The following SCAF4 variants were observed in gnomAD, a reference collection of about 807,000 sequenced individuals.
SCAF4 encodes the protein SR-related CTD associated factor 4.
SCAF4 carries 25 observed loss-of-function variants against 129.8 expected under a neutral mutation model. The ratio of observed to expected loss-of-function variants is 0.19; its 90% confidence interval spans 0.14 to 0.27. SCAF4 has a LOEUF of 0.27. Ranked by LOEUF, SCAF4 falls within the 10% of genes least tolerant of loss-of-function variation. SCAF4 has a pLI of 1.00. For missense variants in SCAF4, 1,246 were observed against 1,457.1 expected, an observed-to-expected ratio of 0.86 and a Z score of 2.36; for synonymous variants, 551 against 497.7, an observed-to-expected ratio of 1.11 and a Z score of -1.43.
chr21:31,714,273 A>C (rs1169429973), intron 1 of SCAF4, among the ~76,000 whole-genome samples: 1 of 152,152 alleles, frequency 6.6e-6, no homozygotes, highest in Non-Finnish European at 1.5e-5. Flanking sequence ...GCCTGTATTC[A>C]CAATTAATGT....
At chr21:31,712,589 C>T (rs574408083) in intron 1 of SCAF4, among the ~76,000 whole-genome samples, 9 of 124,182 alleles carry the variant, frequency 7.2e-5, no homozygotes, top group South Asian at 2.5e-4. Flanking sequence ...AGTGCAATGG[C>T]GCGATCTCGG....
At chr21:31,695,062 C>T in intron 9 of SCAF4, 82 bp from the exon 10 acceptor site, 2 of 1,117,580 alleles carry the variant, frequency 1.8e-6, no homozygotes, top group Non-Finnish European at 2.6e-6. Flanking sequence ...CTAAAATATC[C>T]TCAATAAAGT....
chr21:31,704,718 TAATA>T (rs374504873), intron 3 of SCAF4, among the ~76,000 whole-genome samples: 1 of 152,326 alleles, frequency 6.6e-6, no homozygotes, highest in East Asian at 1.9e-4. Context: ...CCAAATGTAT[TAATA>T]AATATTGCAG....
intron 19 of SCAF4, among the ~76,000 whole-genome samples, chr21:31,682,615 T>C (rs1275103465): frequency 3.9e-5 from 6 of 152,186 alleles, no homozygotes; most frequent in Non-Finnish European, 7.3e-5. Context: ...CGTGACACCA[T>C]TGTGTTTGTC....
chr21:31,671,638 G>C lies in SCAF4; in HGVS notation c.3205C>G (p.Arg1069Gly), dbSNP rs768052599. 1.9e-6 allele frequency: 3 copies of C among 1,613,810 alleles called. No individual in the cohort carries two copies. Among genetic ancestry groups the C allele is most frequent in the African/African-American group, 2.7e-5 (2 of 74,838 alleles). Residue 1069 changes from arginine (R) to glycine (G), a missense_variant, in exon 20 of 20, where the codon CGT (arginine) becomes GGT (glycine). Physicochemically the swap from Arg to Gly is moderately radical, Grantham distance 125. Coordinates refer to ENST00000286835, the MANE Select transcript of SCAF4 (RefSeq NM_020706.2). The part of the protein sequence containing the change: ...RERDSRDRES[R>G]REKEEARGKE... Reference sequence around the variant, plus strand: ...CCTCGGGCTTCTTCCTTCTCTCTACGAGACTCTCTATCTCTAGAATCTCTC... The same window carrying C: ...CCTCGGGCTTCTTCCTTCTCTCTACCAGACTCTCTATCTCTAGAATCTCTC...
intron 1 of SCAF4, among the ~76,000 whole-genome samples, chr21:31,730,480 T>C (rs1180647453): frequency 1.3e-5 from 2 of 152,220 alleles, no homozygotes; most frequent in Non-Finnish European, 2.9e-5. Context: ...GTCCCATATA[T>C]TATGGCACTG....
At chr21:31,690,044 T>C (rs561706703) in intron 15 of SCAF4, among the ~76,000 whole-genome samples, 2 of 152,300 alleles carry the variant, frequency 1.3e-5, no homozygotes, top group East Asian at 1.9e-4. Flanking sequence ...TCTGTGATTT[T>C]CCCCCCTGCA....
intron 7 of SCAF4, among the ~76,000 whole-genome samples, chr21:31,697,794 G>A (rs2050424913): frequency 6.6e-6 from 1 of 152,242 alleles, no homozygotes; most frequent in African/African-American, 2.4e-5. Context: ...TAAACTAAGT[G>A]TAAAGTGTGT....
At chr21:31,674,585 A>C (rs2049802186) in intron 19 of SCAF4, among the ~76,000 whole-genome samples, 1 of 152,194 alleles carries the variant, frequency 6.6e-6, no homozygotes, top group African/African-American at 2.4e-5. Flanking sequence ...TAATGCTTTT[A>C]TAACCAGTTA....
intron 1 of SCAF4, chr21:31,706,739 G>T: frequency 4.3e-6 from 1 of 233,102 alleles, no homozygotes; most frequent in South Asian, 6.2e-5. Context: ...GGAAAGGGAG[G>T]GGGAGCAAAG....
At chr21:31,690,314 G>A (rs1306139071) in intron 15 of SCAF4, among the ~76,000 whole-genome samples, 2 of 151,308 alleles carry the variant, frequency 1.3e-5, no homozygotes, top group Non-Finnish European at 3.0e-5. Flanking sequence ...GTGAAACCCC[G>A]TGTCTATTGA....
At chr21:31,707,117 T>A (rs1211205834) in intron 1 of SCAF4, among the ~76,000 whole-genome samples, 1 of 152,158 alleles carries the variant, frequency 6.6e-6, no homozygotes, top group African/African-American at 2.4e-5. Flanking sequence ...ATGGGAGGCT[T>A]TGACTGTCTT....
rs2051372170 is a variant in SCAF4 at position 31,731,894 on chromosome 21, C to G, written c.-202G>C. On this transcript the variant is annotated 5_prime_UTR_variant, in exon 1 of 20. Coordinates refer to ENST00000286835, the MANE Select transcript of SCAF4 (RefSeq NM_020706.2). ...CAGAGGCGGAGAGGTGGCGGGCCCC[C>G]TCTCAGTCCCGTTCGCAGGATGAGG... 2.0e-6 allele frequency: 1 copy of G among 511,810 alleles called. No individual in the cohort carries two copies. Among genetic ancestry groups the G allele is most frequent in the African/African-American group, 2.0e-5 (1 of 49,074 alleles). The allele number at this position is 511,810 out of a possible 1,614,324, so 31.7% of individuals were successfully genotyped here. A position where few individuals can be genotyped will look rare whatever the true frequency, so the allele number is the denominator to read the frequency against.
chr21:31,723,891 A>T (rs970095523), intron 1 of SCAF4, among the ~76,000 whole-genome samples: 20 of 152,240 alleles, frequency 1.3e-4, no homozygotes, highest in African/African-American at 4.8e-4. Context: ...TTGGATGGCC[A>T]TCCACCTTTC....
chr21:31,723,461 C>T (rs980222756), intron 1 of SCAF4, among the ~76,000 whole-genome samples: 1 of 150,458 alleles, frequency 6.6e-6, no homozygotes, highest in African/African-American at 2.4e-5. Context: ...TCAAAAAAAA[C>T]AAAACAAAAC....
chr21:31,672,451 C>G, intron 19 of SCAF4, 97 bp from the exon 20 acceptor site: 2 of 965,092 alleles, frequency 2.1e-6, no homozygotes, highest in Non-Finnish European at 3.2e-6. Flanking sequence ...AAAATTCAAC[C>G]CACAATCTTC....
At chr21:31,678,419 G>T (rs1334602969) in intron 19 of SCAF4, among the ~76,000 whole-genome samples, 4 of 152,196 alleles carry the variant, frequency 2.6e-5, no homozygotes, top group Admixed American at 2.6e-4. Flanking sequence ...CCCAACGTGG[G>T]CTAGCTCCCA....
chr21:31,695,902 T>A (rs1340344083), intron 9 of SCAF4, among the ~76,000 whole-genome samples: 1 of 152,248 alleles, frequency 6.6e-6, no homozygotes, highest in African/African-American at 2.4e-5. Flanking sequence ...ACTAAAAAAA[T>A]GCCTATTATT....
chr21:31,678,633 C>T (rs2049922326), intron 19 of SCAF4, among the ~76,000 whole-genome samples: 1 of 152,152 alleles, frequency 6.6e-6, no homozygotes, highest in South Asian at 2.1e-4. Context: ...CCACTTTCTT[C>T]CCTTTGCTCT....
Sources: allele counts gnomAD v4.1 joint callset (sites outside exome capture counted in the v4.1 genomes callset), GRCh38; gene constraint gnomAD v4.1.1; transcripts MANE v1.5; gene names NCBI Gene and HGNC (gene_info 2026-07-23, HGNC 2026-07-21).